The following ISM1 variants were observed in gnomAD, a reference collection of about 807,000 sequenced individuals.
The protein encoded by ISM1 is isthmin-1.
Under a neutral mutation model 46.3 loss-of-function variants are expected in ISM1, and 25 were observed. The observed-to-expected ratio is 0.54, with a 90% CI of 0.39 to 0.75. The LOEUF (loss-of-function observed/expected upper bound fraction) is 0.75. Ranked by LOEUF, ISM1 falls within the 30% of genes least tolerant of loss-of-function variation. The probability of loss-of-function intolerance (pLI) is 0.00; values close to 1 mark genes in which losing one functional copy is unlikely to be tolerated. For synonymous variants in ISM1, 255 were observed against 256.7 expected (o/e 0.99, Z 0.06); for missense variants, 536 against 625.4 (o/e 0.86, Z 1.52).
At chr20:13,246,713 C>T (rs2039798673) in intron 1 of ISM1, among the ~76,000 whole-genome samples, 1 of 152,222 alleles carries the variant, frequency 6.6e-6, no homozygotes, top group African/African-American at 2.4e-5. Flanking sequence ...AGACCTTGTC[C>T]AATCCCCCAG....
downstream of ISM1, among the ~76,000 whole-genome samples, chr20:13,302,815 C>T (rs4814218): frequency 6.6e-6 from 1 of 151,954 alleles, no homozygotes; most frequent in Non-Finnish European, 1.5e-5. Context: ...GAGATGCCCA[C>T]GGCCCTCTAG....
chr20:13,225,431 GTA>G (rs1202666966), intron 1 of ISM1, among the ~76,000 whole-genome samples: 1 of 152,030 alleles, frequency 6.6e-6, no homozygotes, highest in Non-Finnish European at 1.5e-5. Flanking sequence ...TGACATATAT[GTA>G]TATATACACA....
At chr20:13,265,663 G>C (rs1007477271) in intron 1 of ISM1, among the ~76,000 whole-genome samples, 3 of 152,122 alleles carry the variant, frequency 2.0e-5, no homozygotes, top group Non-Finnish European at 4.4e-5. Flanking sequence ...AAAACCTCTT[G>C]CAATTGTGAT....
chr20:13,292,441 T>C lies in ISM1; in HGVS notation c.855T>C (p.Asn285=). 2 of 1,603,670 alleles carry C rather than the reference T, an allele frequency of 1.2e-6. No homozygotes were observed. Among genetic ancestry groups the C allele is most frequent in the Admixed American group, 1.7e-5 (1 of 58,782 alleles). ...TGCTTGCGGGAAGCGAGGAGTTTAA[T>C]GCCACCAAACTGTTTGAAGTTGGTA... is the stretch of plus-strand genomic sequence containing the variant. ...VSLLAGSEEF[N]ATKLFEVDTD... is the part of the protein sequence containing the mutation. The change falls in exon 5 of 6, where the codon AAT becomes AAC. Residue 285 remains asparagine (N), a synonymous_variant. Transcript: ENST00000262487.
chr20:13,320,748 T>A, the ISM1 span, among the ~76,000 whole-genome samples: 2 of 152,180 alleles, frequency 1.3e-5, no homozygotes, highest in African/African-American at 4.8e-5. Context: ...CTAAGATGAC[T>A]GTCCAAGCTC....
chr20:13,267,556 A>C (rs1315903002), intron 1 of ISM1, among the ~76,000 whole-genome samples: 1 of 152,122 alleles, frequency 6.6e-6, no homozygotes, highest in Admixed American at 6.5e-5. Flanking sequence ...TTACATGCAA[A>C]GTCCTCGAGT....
intron 2 of ISM1, among the ~76,000 whole-genome samples, chr20:13,274,920 A>G (rs147429451): frequency 4.7e-4 from 71 of 152,286 alleles, no homozygotes; most frequent in African/African-American, 1.5e-3. Flanking sequence ...ATTTAAAACA[A>G]TATAAGAGGT....
rs984113377 is a variant in ISM1, at chr20:13,299,656, C to T, written c.*197C>T. ...TGCCTTGTGAAGCCGCCCTCGCCAT[C>T]TGCAGAGCTCCTTGAAAGTGCCCCT... On this transcript the variant is annotated 3_prime_UTR_variant, in exon 6 of 6. Transcript: ENST00000262487. This position sits in a 1 kb window ranked among gnomAD's most constrained non-coding sequence, Gnocchi z 5.8. The T allele has an allele frequency of 9.3e-6, 5 of 537,230 alleles. No homozygotes were observed. In the African/African-American group the frequency reaches 9.4e-5, roughly 10 times the overall value. The allele number at this position is 537,230 out of a possible 1,614,324, so 33.3% of individuals were successfully genotyped here. A position where few individuals can be genotyped will look rare whatever the true frequency, so the allele number is the denominator to read the frequency against.
chr20:13,222,052 G>A, intron 1 of ISM1, 138 bp downstream of exon 1: 2 of 871,562 alleles, frequency 2.3e-6, no homozygotes, highest in Non-Finnish European at 3.1e-6. Context: ...CAGTAGTTTT[G>A]CCCGGGCCAC....
At chr20:13,250,135 C>T (rs539754715) in intron 1 of ISM1, among the ~76,000 whole-genome samples, 1 of 152,334 alleles carries the variant, frequency 6.6e-6, no homozygotes, top group South Asian at 2.1e-4. Flanking sequence ...TGGTAGTCTG[C>T]TCCCAGGGTT....
intron 1 of ISM1, among the ~76,000 whole-genome samples, chr20:13,225,233 G>A (rs1051047206): frequency 2.0e-5 from 3 of 152,110 alleles, no homozygotes; most frequent in Non-Finnish European, 4.4e-5. Flanking sequence ...AGAAACTGAG[G>A]TTAGGTAATT....
At chr20:13,322,349 C>G in the ISM1 span, among the ~76,000 whole-genome samples, 5 of 152,176 alleles carry the variant, frequency 3.3e-5, no homozygotes, top group Non-Finnish European at 7.3e-5. Context: ...AGACACACTC[C>G]CACCCTCTTT....
downstream of ISM1, among the ~76,000 whole-genome samples, chr20:13,303,649 C>G (rs988677370): frequency 1.3e-5 from 2 of 152,236 alleles, no homozygotes; most frequent in African/African-American, 4.8e-5. Context: ...CCAATCCTGA[C>G]TCTCTCACTT....
intron 1 of ISM1, among the ~76,000 whole-genome samples, chr20:13,231,628 C>A (rs2039589235): frequency 6.6e-6 from 1 of 152,194 alleles, no homozygotes. Flanking sequence ...AGGTTAACTA[C>A]CCCTTCTTCC....
At chr20:13,249,820 GTTTT>G (rs1245189078) in intron 1 of ISM1, among the ~76,000 whole-genome samples, 2 of 140,540 alleles carry the variant, frequency 1.4e-5, no homozygotes, top group Non-Finnish European at 3.1e-5. Flanking sequence ...GTTTTGTTTT[GTTTT>G]GTTTTGTTTT....
At chr20:13,286,584 C>T (rs542793504) in intron 3 of ISM1, among the ~76,000 whole-genome samples, 5 of 151,998 alleles carry the variant, frequency 3.3e-5, no homozygotes, top group African/African-American at 7.3e-5. Context: ...GATGGGGCCT[C>T]GGGGGGCAGA....
chr20:13,243,521 G>A (rs2039754893), intron 1 of ISM1, among the ~76,000 whole-genome samples: 2 of 152,090 alleles, frequency 1.3e-5, no homozygotes, highest in Non-Finnish European at 2.9e-5. Flanking sequence ...CCACACTTAG[G>A]GCTGTCCTCT....
intron 5 of ISM1, among the ~76,000 whole-genome samples, chr20:13,293,974 C>CA (rs372171439): frequency 0.017 from 2,328 of 140,616 alleles, 27 homozygotes; most frequent in Non-Finnish European, 0.025. Context: ...AACTCCATCT[C>CA]AAAAAAAAAA....
chr20:13,269,115 G>A (rs951275710), intron 1 of ISM1, among the ~76,000 whole-genome samples: 1 of 152,144 alleles, frequency 6.6e-6, no homozygotes, highest in African/African-American at 2.4e-5. Context: ...GGCGTGTGGA[G>A]ACAGTGTGCT....
Sources: gnomAD v4.1 joint callset for allele counts (sites outside exome capture counted in the v4.1 genomes callset) on GRCh38, gnomAD v4.1.1 for gene constraint, Gnocchi (gnomAD v3.1) non-coding constraint, MANE v1.5 for transcripts, NCBI Gene and HGNC (gene_info 2026-07-23, HGNC 2026-07-21) for gene names.